Variants in PSMA1 observed in about 807,000 individuals in gnomAD.
PSMA1 encodes proteasome subunit alpha type-1.
PSMA1 carries 3 observed loss-of-function variants against 38.4 expected under a neutral mutation model. The observed-to-expected ratio is 0.08, with a 90% CI of 0.04 to 0.20. The LOEUF is 0.20. Ranked by LOEUF, PSMA1 falls within the 10% of genes least tolerant of loss-of-function variation. The pLI, the probability that PSMA1 is intolerant of heterozygous loss-of-function variation, is 1.00. For missense variants in PSMA1, 227 were observed against 325.3 expected, an observed-to-expected ratio of 0.70 and a Z score of 2.32; for synonymous variants, 101 against 107.1, an observed-to-expected ratio of 0.94 and a Z score of 0.35.
chr11:14,600,703 G>A (rs924782303), intron 2 of PSMA1, among the ~76,000 whole-genome samples: 2 of 152,226 alleles, frequency 1.3e-5, no homozygotes, highest in Non-Finnish European at 2.9e-5. Context: ...CTTCCCAGGT[G>A]AGGTTATGCC....
intron 2 of PSMA1, among the ~76,000 whole-genome samples, chr11:14,559,774 AAC>A (rs941870186): frequency 6.6e-6 from 1 of 152,210 alleles, no homozygotes; most frequent in Non-Finnish European, 1.5e-5. Context: ...TTAAAATATA[AAC>A]ACAAAAAATG....
chr11:14,576,483 T>C (rs978616375), intron 2 of PSMA1, among the ~76,000 whole-genome samples: 8 of 152,332 alleles, frequency 5.3e-5, no homozygotes, highest in African/African-American at 1.4e-4. Context: ...GATTCAGTTT[T>C]AGCTTTCTAC....
At chr11:14,620,411 C>G (rs957610044) in intron 1 of PSMA1, among the ~76,000 whole-genome samples, 2 of 152,166 alleles carry the variant, frequency 1.3e-5, no homozygotes, top group African/African-American at 4.8e-5. Flanking sequence ...CAAAAGAAAC[C>G]CATGCCCTGG....
chr11:14,628,086 A>C (rs1852938760), intron 1 of PSMA1, among the ~76,000 whole-genome samples: 1 of 152,172 alleles, frequency 6.6e-6, no homozygotes. Context: ...TAGGAACATG[A>C]ATCCTTTTGT....
intron 2 of PSMA1, among the ~76,000 whole-genome samples, chr11:14,586,954 G>T (rs1852352884): frequency 6.6e-6 from 1 of 152,048 alleles, no homozygotes; most frequent in Admixed American, 6.6e-5. Context: ...TAGAGACAGG[G>T]TTCCACTATG....
chr11:14,612,721 G>GT lies in PSMA1; in HGVS notation c.-165-1571dup, dbSNP rs1852724766. 2.0e-5 allele frequency among the ~76,000 whole-genome samples: 3 copies of GT among 152,226 alleles called. No homozygotes were observed. The South Asian group carries it at 6.2e-4, about 32-fold the overall frequency. ...TTGTCAAGCATTTTTAGTATCCTCT[G>GT]TATCTTCCTGCTACCTTTAACTTAG... is the stretch of plus-strand genomic sequence containing the variant. On this transcript the variant is annotated intron_variant, in intron 1 of 10. Transcript: ENST00000418988.
chr11:14,601,607 C>T (rs1852580773), intron 2 of PSMA1, among the ~76,000 whole-genome samples: 1 of 152,188 alleles, frequency 6.6e-6, no homozygotes, highest in South Asian at 2.1e-4. Context: ...TTCGTGATCA[C>T]ATAATCCTGT....
chr11:14,567,810 A>G (rs1048052258), intron 2 of PSMA1, among the ~76,000 whole-genome samples: 4 of 152,140 alleles, frequency 2.6e-5, no homozygotes, highest in African/African-American at 7.2e-5. Flanking sequence ...GCTCTTTACA[A>G]TGATTCCTAA....
chr11:14,629,143 T>C (rs1357233387), intron 1 of PSMA1, among the ~76,000 whole-genome samples: 4 of 152,226 alleles, frequency 2.6e-5, no homozygotes, highest in Non-Finnish European at 5.9e-5. Flanking sequence ...TGGTAGTTTC[T>C]TTTGCTGTGC....
intron 2 of PSMA1, among the ~76,000 whole-genome samples, chr11:14,555,929 C>T (rs1851936814): frequency 6.6e-6 from 1 of 152,210 alleles, no homozygotes; most frequent in Non-Finnish European, 1.5e-5. Flanking sequence ...AGCCCTCTAA[C>T]AGAATTATAA....
chr11:14,575,434 A>C (rs1225668674), intron 2 of PSMA1, among the ~76,000 whole-genome samples: 2 of 149,618 alleles, frequency 1.3e-5, no homozygotes, highest in African/African-American at 4.9e-5. Context: ...CTCAGGCCAC[A>C]GTGTGTGATG....
At chr11:14,595,507 T>C (rs1852477936) in intron 2 of PSMA1, among the ~76,000 whole-genome samples, 1 of 152,244 alleles carries the variant, frequency 6.6e-6, no homozygotes, top group Admixed American at 6.5e-5. Context: ...TGACCAGTGA[T>C]GATGAGCATT....
rs373570213 is a variant in PSMA1 at position 14,544,192 on chromosome 11, G to A, written c.22-25151C>T. ...CCACAGGCGCACAACACCAAGCCCG[G>A]CTAATTTTCGTATTTTTTGCGGAGA... On this transcript the variant is annotated intron_variant, in intron 2 of 10. Coordinates refer to the PSMA1 transcript ENST00000418988. Among the ~76,000 whole-genome samples the A allele has an allele frequency of 2.8e-4, 43 of 152,228 alleles. No individual in the cohort carries two copies. The East Asian group carries it at 7.7e-3, about 27-fold the overall frequency.
At chr11:14,639,433 A>T (rs892879435) in intron 1 of PSMA1, among the ~76,000 whole-genome samples, 1 of 152,230 alleles carries the variant, frequency 6.6e-6, no homozygotes, top group South Asian at 2.1e-4. Flanking sequence ...TGATTTATTA[A>T]AATAGTTTTG....
chr11:14,565,557 G>A (rs1852060450), intron 2 of PSMA1, among the ~76,000 whole-genome samples: 1 of 152,112 alleles, frequency 6.6e-6, no homozygotes, highest in East Asian at 1.9e-4. Context: ...ATTGCATAGA[G>A]AAAGCCTTAG....
chr11:14,615,056 C>T (rs1278973016), intron 1 of PSMA1, among the ~76,000 whole-genome samples: 1 of 152,160 alleles, frequency 6.6e-6, no homozygotes, highest in African/African-American at 2.4e-5. Flanking sequence ...GTGCTTCTGC[C>T]AAATGGGATT....
intron 2 of PSMA1, among the ~76,000 whole-genome samples, chr11:14,607,509 G>A (rs2134196797): frequency 6.6e-6 from 1 of 152,268 alleles, no homozygotes; most frequent in Admixed American, 6.5e-5. Flanking sequence ...TTGTACCCCT[G>A]GCTGAAAATC....
rs564484892 is a variant in PSMA1 at position 14,634,414 on chromosome 11, A to T, written c.-166+9041T>A. Among the ~76,000 whole-genome samples, 553 of 152,340 alleles carry T rather than the reference A, an allele frequency of 3.6e-3. 3 individuals carry two copies. Among genetic ancestry groups the T allele is most frequent in the Non-Finnish European group, 5.1e-3 (348 of 68,034 alleles). ...TTCGAGGGTACCTAGGACAGGGCTT[A>T]AATTAATAAATATTTGCTGAATGGA... On this transcript the variant is annotated intron_variant, in intron 1 of 10. Transcript: ENST00000418988.
At chr11:14,610,391 T>C (rs1852695875) in intron 2 of PSMA1, among the ~76,000 whole-genome samples, 1 of 152,078 alleles carries the variant, frequency 6.6e-6, no homozygotes, top group African/African-American at 2.4e-5. Context: ...CTCAATCCTG[T>C]GCCACAGAGG....
Sources: allele counts gnomAD v4.1 joint callset (sites outside exome capture counted in the v4.1 genomes callset), GRCh38; gene constraint gnomAD v4.1.1; transcripts MANE v1.5; gene names NCBI Gene and HGNC (gene_info 2026-07-23, HGNC 2026-07-21).